The following ADGRB3 variants were observed in gnomAD, a reference collection of about 807,000 sequenced individuals.
ADGRB3 encodes brain-specific angiogenesis inhibitor 3.
In ADGRB3, 37 loss-of-function variants were observed where a neutral mutation model predicts 193.4. That is an observed-to-expected ratio of 0.19 (90% CI 0.15 to 0.25). The LOEUF (loss-of-function observed/expected upper bound fraction) is 0.25. Ranked by LOEUF, ADGRB3 falls within the 10% of genes least tolerant of loss-of-function variation. The pLI is 1.00. For synonymous variants in ADGRB3, 690 were observed against 644.2 expected, an observed-to-expected ratio of 1.07 and a Z score of -1.08; for missense variants, 1,637 against 1,852.9, an observed-to-expected ratio of 0.88 and a Z score of 2.14.
intron 17 of ADGRB3, among the ~76,000 whole-genome samples, chr6:69,111,710 A>G (rs1404052649): frequency 2.0e-5 from 3 of 152,222 alleles, no homozygotes; most frequent in African/African-American, 7.2e-5. Flanking sequence ...TATGAAACCA[A>G]GATAATTTTA....
In ADGRB3 at chr6:69,376,082, C is replaced by CTTTTTTTTT. The variant is rs58780409; in HGVS notation, c.4275+3661_4275+3669dup. 4.5e-5 allele frequency among the ~76,000 whole-genome samples: 3 copies of CTTTTTTTTT among 67,382 alleles called. 1 individual carries two copies. Among genetic ancestry groups the CTTTTTTTTT allele is most frequent in the Non-Finnish European group, 8.4e-5 (3 of 35,722 alleles). 44.2% of individuals were successfully genotyped at this position (67,382 alleles called of 152,430 possible). On this transcript the variant is annotated intron_variant, in intron 30 of 31. Transcript: ENST00000370598. ...CAGTTTTCCATGAAAATTATGTAGC[C>CTTTTTTTTT]TTTTTTTTTTTTTTTTTTTTTTTTT...
At chr6:69,127,917 CTGGCA>C (rs1773901462) in intron 17 of ADGRB3, among the ~76,000 whole-genome samples, 1 of 144,154 alleles carries the variant, frequency 6.9e-6, no homozygotes, top group Non-Finnish European at 1.5e-5. Flanking sequence ...TTTTTTTTTT[CTGGCA>C]TGGCATTTGG....
At chr6:69,383,112 C>A (rs1044274308) in intron 31 of ADGRB3, among the ~76,000 whole-genome samples, 177 bp downstream of exon 31, 40 of 152,044 alleles carry the variant, frequency 2.6e-4, no homozygotes, top group African/African-American at 9.6e-4. Flanking sequence ...ATGACAGAAT[C>A]TTTAGGCATT....
At chr6:69,207,199 C>A (rs1436244529) in intron 17 of ADGRB3, among the ~76,000 whole-genome samples, 1 of 152,078 alleles carries the variant, frequency 6.6e-6, no homozygotes, top group East Asian at 1.9e-4. Context: ...GGAACTAAGA[C>A]CTCTAGGCCA....
chr6:68,885,394 A>G (rs1306399778), intron 3 of ADGRB3, among the ~76,000 whole-genome samples: 1 of 152,206 alleles, frequency 6.6e-6, no homozygotes, highest in Non-Finnish European at 1.5e-5. Flanking sequence ...TATGGGGTAC[A>G]ATGTGATGTT....
At chr6:69,124,623 G>T (rs1451108849) in intron 17 of ADGRB3, among the ~76,000 whole-genome samples, 5 of 152,144 alleles carry the variant, frequency 3.3e-5, no homozygotes, top group Non-Finnish European at 5.9e-5. Flanking sequence ...GTCTTCTTCA[G>T]TCTATTATTG....
chr6:68,880,291 A>C (rs2150224030), intron 3 of ADGRB3, among the ~76,000 whole-genome samples: 1 of 152,298 alleles, frequency 6.6e-6, no homozygotes, highest in South Asian at 2.1e-4. Context: ...AGGCATGACA[A>C]GTTGCAGTGT....
At chr6:69,064,730 T>C (rs1582433963) in intron 16 of ADGRB3, among the ~76,000 whole-genome samples, 1 of 152,064 alleles carries the variant, frequency 6.6e-6, no homozygotes, top group South Asian at 2.1e-4. Flanking sequence ...CAGAGAACAG[T>C]TGTGCAAATG....
chr6:69,101,568 C>T (rs1006900075), intron 17 of ADGRB3, among the ~76,000 whole-genome samples: 14 of 151,138 alleles, frequency 9.3e-5, no homozygotes, highest in South Asian at 2.1e-4. Flanking sequence ...CTTTTATTTG[C>T]CATTTATATA....
chr6:68,673,032 C>T (rs976908608), intron 3 of ADGRB3, among the ~76,000 whole-genome samples: 5 of 151,948 alleles, frequency 3.3e-5, no homozygotes, highest in African/African-American at 1.2e-4. Flanking sequence ...GAATCTCTCT[C>T]TCTCTCTCTC....
chr6:68,804,440 A>G (rs1767366504), intron 3 of ADGRB3, among the ~76,000 whole-genome samples: 1 of 152,206 alleles, frequency 6.6e-6, no homozygotes, highest in African/African-American at 2.4e-5. Context: ...AGTACATGCA[A>G]TGCATTAGAA....
intron 20 of ADGRB3, among the ~76,000 whole-genome samples, chr6:69,256,021 G>T (rs1213600959): frequency 6.6e-6 from 1 of 151,752 alleles, no homozygotes. Context: ...GTAGATATGC[G>T]GCATTATTTC....
intron 3 of ADGRB3, among the ~76,000 whole-genome samples, chr6:68,851,740 T>C (rs763303822): frequency 5.7e-4 from 87 of 152,048 alleles, no homozygotes; most frequent in Non-Finnish European, 1.0e-3. Flanking sequence ...TTTCAATCTT[T>C]AGTGATAGAA....
intron 20 of ADGRB3, among the ~76,000 whole-genome samples, chr6:69,275,178 A>C (rs1235789317): frequency 1.3e-5 from 2 of 152,164 alleles, no homozygotes; most frequent in Non-Finnish European, 1.5e-5. Flanking sequence ...GATCTGACTA[A>C]TATTACCCCT....
At chr6:69,164,308 A>G (rs75529409) in intron 17 of ADGRB3, among the ~76,000 whole-genome samples, 273 of 152,152 alleles carry the variant, frequency 1.8e-3, no homozygotes, top group African/African-American at 6.1e-3. Flanking sequence ...GAAGGGAGAC[A>G]GGAAACCCAA....
chr6:69,254,995 A>G (rs1180633512), intron 20 of ADGRB3, among the ~76,000 whole-genome samples: 1 of 151,456 alleles, frequency 6.6e-6, no homozygotes, highest in Non-Finnish European at 1.5e-5. Context: ...ACTGAGAATG[A>G]TGATTTCCAA....
chr6:68,944,799 G>T (rs1767733355), intron 6 of ADGRB3, among the ~76,000 whole-genome samples: 2 of 152,154 alleles, frequency 1.3e-5, no homozygotes, highest in South Asian at 2.1e-4. Context: ...ATCTCTCAGG[G>T]TTAGCAAAGA....
chr6:69,122,114 T>A lies in ADGRB3; in HGVS notation c.2480+46076T>A, dbSNP rs369353776. ...CCAAGGCAGGCGGCTGGAAGGTGGA[T>A]GTTGTGGCGAGCCGAGATCACGCCA... On this transcript the variant is annotated intron_variant, in intron 17 of 31. Transcript: ENST00000370598. Among the ~76,000 whole-genome samples the A allele has an allele frequency of 5.5e-5, 8 of 146,044 alleles. No homozygotes were observed. In the East Asian group the frequency reaches 1.7e-3, roughly 30 times the overall value.
At chr6:69,006,107 AT>A (rs35210212) in intron 11 of ADGRB3, among the ~76,000 whole-genome samples, 12,067 of 151,016 alleles carry the variant, frequency 0.08, 596 homozygotes, top group Non-Finnish European at 0.12. Context: ...ATTACTTACT[AT>A]TTTTTTTTAA....
Sources: allele counts gnomAD v4.1 joint callset (sites outside exome capture counted in the v4.1 genomes callset), GRCh38; gene constraint gnomAD v4.1.1; transcripts MANE v1.5; gene names NCBI Gene and HGNC (gene_info 2026-07-23, HGNC 2026-07-21).